Variants in LRRC4C observed in about 807,000 individuals in gnomAD.
LRRC4C encodes leucine rich repeat containing 4C.
Under a neutral mutation model 33.6 loss-of-function variants are expected in LRRC4C, and 5 were observed. The ratio of observed to expected loss-of-function variants is 0.15; its 90% confidence interval spans 0.08 to 0.31. The LOEUF is 0.31. LRRC4C is among the 10% of genes least tolerant of loss of function. The pLI, the probability that LRRC4C is intolerant of heterozygous loss-of-function variation, is 1.00. For synonymous variants in LRRC4C, 329 were observed against 302.0 expected (o/e 1.09, Z -0.93); for missense variants, 560 against 796.7 (o/e 0.70, Z 3.58).
chr11:40,894,196 T>C (rs879325989), intron 2 of LRRC4C, among the ~76,000 whole-genome samples: 14 of 152,178 alleles, frequency 9.2e-5, no homozygotes, highest in Non-Finnish European at 1.5e-4. Context: ...TATAGACTTT[T>C]AGTCCAAAGA....
At chr11:40,555,300 A>G (rs1472351038) in intron 3 of LRRC4C, among the ~76,000 whole-genome samples, 1 of 152,056 alleles carries the variant, frequency 6.6e-6, no homozygotes, top group East Asian at 1.9e-4. Context: ...ATTGTTTTAA[A>G]CTTGTTGATC....
intron 3 of LRRC4C, among the ~76,000 whole-genome samples, chr11:40,385,815 C>T (rs913703572): frequency 2.7e-5 from 4 of 150,528 alleles, no homozygotes; most frequent in Non-Finnish European, 4.4e-5. Context: ...TTCAGTGAGC[C>T]GAGATCGTGC....
intron 2 of LRRC4C, among the ~76,000 whole-genome samples, chr11:40,699,423 C>A (rs950618747): frequency 2.0e-5 from 3 of 152,124 alleles, no homozygotes; most frequent in Non-Finnish European, 4.4e-5. Context: ...AAGGCTAACC[C>A]AGTTTATCAT....
At chr11:40,871,821 C>A (rs1165928870) in intron 2 of LRRC4C, among the ~76,000 whole-genome samples, 1 of 152,100 alleles carries the variant, frequency 6.6e-6, no homozygotes, top group Non-Finnish European at 1.5e-5. Context: ...CTTACATGAC[C>A]TGGGGATGGA....
intron 3 of LRRC4C, among the ~76,000 whole-genome samples, chr11:40,462,444 TA>T (rs1405697730): frequency 6.6e-6 from 1 of 152,056 alleles, no homozygotes; most frequent in Non-Finnish European, 1.5e-5. Flanking sequence ...TGTACAGTGT[TA>T]AAAATAACAT....
intron 3 of LRRC4C, among the ~76,000 whole-genome samples, chr11:40,372,171 G>C (rs182199854): frequency 2.0e-4 from 30 of 152,300 alleles, no homozygotes; most frequent in African/African-American, 6.0e-4. Context: ...ATAGGCTGAA[G>C]TAATGCTCAT....
chr11:41,191,063 A>G (rs1945923597), intron 1 of LRRC4C, among the ~76,000 whole-genome samples: 1 of 151,936 alleles, frequency 6.6e-6, no homozygotes, highest in African/African-American at 2.4e-5. Context: ...TCTCCCAGCT[A>G]TTTTCTCTTT....
chr11:40,930,348 T>A (rs1957568643), intron 2 of LRRC4C, among the ~76,000 whole-genome samples: 1 of 152,208 alleles, frequency 6.6e-6, no homozygotes, highest in African/African-American at 2.4e-5. Context: ...AAGTGGGGAC[T>A]GGAGCCTATT....
intron 6 of LRRC4C, among the ~76,000 whole-genome samples, chr11:40,128,156 A>T (rs551032335): frequency 1.3e-5 from 2 of 152,202 alleles, no homozygotes; most frequent in African/African-American, 4.8e-5. Context: ...AGTAGGAATG[A>T]TGATAACAAT....
chr11:40,396,729 A>C (rs975790609), intron 3 of LRRC4C, among the ~76,000 whole-genome samples: 8 of 152,244 alleles, frequency 5.3e-5, no homozygotes, highest in African/African-American at 1.9e-4. Context: ...TTTTTAAAAA[A>C]GGTCCAACAT....
At chr11:40,763,735 G>C (rs745809675) in intron 2 of LRRC4C, among the ~76,000 whole-genome samples, 2 of 152,150 alleles carry the variant, frequency 1.3e-5, no homozygotes, top group Admixed American at 6.5e-5. Context: ...GGATAGAATT[G>C]AGCCAGAGCT....
At chr11:40,248,478 C>A (rs1204260237) in intron 4 of LRRC4C, among the ~76,000 whole-genome samples, 1 of 152,076 alleles carries the variant, frequency 6.6e-6, no homozygotes, top group Non-Finnish European at 1.5e-5. Flanking sequence ...TGCCTGTAAT[C>A]CCAGTGCTTT....
At chr11:40,150,074 G>A (rs902763698) in intron 5 of LRRC4C, among the ~76,000 whole-genome samples, 13 of 152,138 alleles carry the variant, frequency 8.5e-5, no homozygotes, top group African/African-American at 2.9e-4. Flanking sequence ...CAACTTTGGT[G>A]GCTCTAGGTC....
At chr11:41,266,490 A>AG (rs1194481926) in intron 1 of LRRC4C, among the ~76,000 whole-genome samples, 1 of 152,234 alleles carries the variant, frequency 6.6e-6, no homozygotes, top group East Asian at 1.9e-4. Context: ...AAAGAGAAAA[A>AG]GGAATAGACA....
intron 2 of LRRC4C, among the ~76,000 whole-genome samples, chr11:40,870,291 G>T (rs1199724871): frequency 5.3e-5 from 8 of 152,140 alleles, no homozygotes; most frequent in African/African-American, 1.9e-4. Context: ...TTCACTGTGA[G>T]TGGGGGGTTG....
intron 2 of LRRC4C, among the ~76,000 whole-genome samples, chr11:40,842,781 G>A (rs180844501): frequency 6.6e-6 from 1 of 152,204 alleles, no homozygotes; most frequent in African/African-American, 2.4e-5. Context: ...GTGGGTCCTA[G>A]ATCATAAACA....
rs1590445692 is a variant in LRRC4C, at chr11:40,361,958, G to C, written c.-269-42237C>G. Among the ~76,000 whole-genome samples, 5 of 152,098 alleles carry C rather than the reference G, an allele frequency of 3.3e-5. 1 individual carries two copies. The South Asian group carries it at 1.0e-3, about 32-fold the overall frequency. On this transcript the variant is annotated intron_variant, in intron 3 of 6. Transcript: ENST00000528697. Reference sequence around the variant, plus strand: ...GAATAGAGAACCCAGAAATAAGACTGCACACCTTCAACTATCTGATATTTG... The same window carrying C: ...GAATAGAGAACCCAGAAATAAGACTCCACACCTTCAACTATCTGATATTTG...
chr11:40,678,233 T>G (rs1354593546), intron 2 of LRRC4C, among the ~76,000 whole-genome samples: 1 of 152,044 alleles, frequency 6.6e-6, no homozygotes, highest in African/African-American at 2.4e-5. Flanking sequence ...ACAAATGAAT[T>G]CATCACCCAA....
chr11:40,446,776 A>C (rs1248232149), intron 3 of LRRC4C: 1 of 152,146 alleles, frequency 6.6e-6, no homozygotes, highest in African/African-American at 2.4e-5. Context: ...AGAACTTGCC[A>C]AACACTTATA....
Sources: gnomAD v4.1 joint callset for allele counts (sites outside exome capture counted in the v4.1 genomes callset) on GRCh38, gnomAD v4.1.1 for gene constraint, MANE v1.5 for transcripts, NCBI Gene and HGNC (gene_info 2026-07-23, HGNC 2026-07-21) for gene names.